The following LAMC1 variants were observed in gnomAD, a reference collection of about 807,000 sequenced individuals.
The protein encoded by LAMC1 is laminin subunit gamma 1.
In LAMC1, 38 loss-of-function variants were observed where a neutral mutation model predicts 173.6. The observed-to-expected ratio is 0.22, with a 90% CI of 0.17 to 0.29. LAMC1 has a LOEUF of 0.29. Ranked by LOEUF, LAMC1 falls within the 10% of genes least tolerant of loss-of-function variation. The pLI is 1.00. For synonymous variants in LAMC1, 746 were observed against 749.1 expected, an observed-to-expected ratio of 1.00 and a Z score of 0.07; for missense variants, 1,824 against 2,051.8, an observed-to-expected ratio of 0.89 and a Z score of 2.14.
At chr1:183,140,358 A>G (rs762814073) in intron 26 of LAMC1, 46 bp from the exon 27 acceptor site, 1 of 1,153,400 alleles carries the variant, frequency 8.7e-7, no homozygotes, top group Non-Finnish European at 1.2e-6. Flanking sequence ...TTTAAAGAAG[A>G]TGAAAACATA....
intron 1 of LAMC1, among the ~76,000 whole-genome samples, chr1:183,045,199 A>C (rs1654236772): frequency 6.6e-6 from 1 of 151,774 alleles, no homozygotes; most frequent in African/African-American, 2.4e-5. Context: ...TGTACTTGCA[A>C]GTCAATACAA....
intron 24 of LAMC1, among the ~76,000 whole-genome samples, chr1:183,135,457 TTTG>T (rs1278569407): frequency 3.3e-5 from 5 of 152,188 alleles, no homozygotes; most frequent in African/African-American, 7.2e-5. Context: ...CATCTGATTC[TTTG>T]TTGTTGTTTT....
intron 18 of LAMC1, among the ~76,000 whole-genome samples, chr1:183,129,027 G>A (rs1451141796): frequency 6.7e-5 from 10 of 148,282 alleles, no homozygotes; most frequent in African/African-American, 2.2e-4. Context: ...ATTACAAGGT[G>A]TCTTAAAATA....
At position 183,103,383 on chromosome 1, in the gene LAMC1, G is replaced by C. The variant is rs913206940; in HGVS notation, c.474G>C (p.Glu158Asp). The change falls in exon 2 of 28, where the codon GAG becomes GAC. Residue 158 changes from glutamate to aspartate, a missense_variant. Transcript: ENST00000258341. ...VRLKFHTSRP[E>D]SFAIYKRTRE... ...TCAAGTTCCACACCAGCCGCCCGGAGAGCTTTGCCATTTACAAGCGCACAC... is the reference window on the plus strand; with the variant it reads ...TCAAGTTCCACACCAGCCGCCCGGACAGCTTTGCCATTTACAAGCGCACAC... The C allele has an allele frequency of 1.2e-6, 2 of 1,614,076 alleles. No homozygotes were observed. Among genetic ancestry groups the C allele is most frequent in the African/African-American group, 2.7e-5 (2 of 74,934 alleles).
intron 1 of LAMC1, among the ~76,000 whole-genome samples, chr1:183,050,431 G>A (rs780632489): frequency 6.7e-6 from 1 of 150,016 alleles, no homozygotes; most frequent in Non-Finnish European, 1.5e-5. Flanking sequence ...ACAGGCACCC[G>A]CTACCATGCC....
intron 24 of LAMC1, among the ~76,000 whole-genome samples, 179 bp from the exon 25 acceptor site, chr1:183,136,207 C>T (rs1370939603): frequency 6.6e-6 from 1 of 152,188 alleles, no homozygotes; most frequent in Non-Finnish European, 1.5e-5. Context: ...TTCTATAACA[C>T]TAACTGGGAG....
chr1:183,124,029 T>TCC (rs1270321218), intron 13 of LAMC1, among the ~76,000 whole-genome samples: 1 of 152,202 alleles, frequency 6.6e-6, no homozygotes, highest in Non-Finnish European at 1.5e-5. Flanking sequence ...CCTCTCTACC[T>TCC]GTCACTTCTT....
intron 8 of LAMC1, 106 bp downstream of exon 8, chr1:183,117,009 A>G (rs1360942305): frequency 4.3e-6 from 5 of 1,151,086 alleles, no homozygotes; most frequent in Middle Eastern, 2.1e-4. Context: ...ATGGTTGGCA[A>G]CACTTTGTAT....
chr1:183,128,118 A>C (rs1156948734), intron 17 of LAMC1, among the ~76,000 whole-genome samples: 1 of 152,142 alleles, frequency 6.6e-6, no homozygotes, highest in African/African-American at 2.4e-5. Flanking sequence ...TTATTTACTG[A>C]GATGGAGATT....
chr1:183,106,522 G>A (rs1346080082), intron 2 of LAMC1, among the ~76,000 whole-genome samples: 1 of 152,160 alleles, frequency 6.6e-6, no homozygotes, highest in African/African-American at 2.4e-5. Context: ...AATCAGAGCT[G>A]TGCCTCCCAG....
chr1:183,065,015 A>G (rs552700867), intron 1 of LAMC1, among the ~76,000 whole-genome samples: 2 of 152,234 alleles, frequency 1.3e-5, no homozygotes, highest in African/African-American at 4.8e-5. Flanking sequence ...AAAATGTGCA[A>G]ACTCCACAAA....
intron 1 of LAMC1, among the ~76,000 whole-genome samples, chr1:183,087,757 T>G (rs1250677838): frequency 5.3e-5 from 8 of 152,188 alleles, no homozygotes; most frequent in Non-Finnish European, 7.3e-5. Context: ...CCATGTTGAT[T>G]AATGAAATTT....
rs1268229929 is a variant in LAMC1 at position 183,136,665 on chromosome 1, G to C, written c.4314+80G>C. 6.5e-6 allele frequency: 8 copies of C among 1,234,940 alleles called. No homozygotes were observed. The East Asian group carries it at 2.0e-4, about 32-fold the overall frequency. The allele number at this position is 1,234,940 out of a possible 1,614,324, so 76.5% of individuals were successfully genotyped here. A position where few individuals can be genotyped will look rare whatever the true frequency, so the allele number is the denominator to read the frequency against. ...TCCAGTTTCTTTCCAGACCCTCAGAGCCCTTGCAGATTTTTTTCCTGAACT... is the reference window on the plus strand; with the variant it reads ...TCCAGTTTCTTTCCAGACCCTCAGACCCCTTGCAGATTTTTTTCCTGAACT... On this transcript the variant is annotated intron_variant, in intron 25 of 27. Coordinates refer to ENST00000258341, the MANE Select transcript of LAMC1 (RefSeq NM_002293.4).
chr1:183,137,953 A>G (rs780617666), intron 26 of LAMC1, 126 bp downstream of exon 26: 20 of 905,896 alleles, frequency 2.2e-5, no homozygotes, highest in Non-Finnish European at 3.0e-5. Flanking sequence ...TGTCTCGTCA[A>G]GAATTGGGTT....
At position 183,127,533 on chromosome 1, in the gene LAMC1, C is replaced by T. The variant is rs1413389; in HGVS notation, c.3123+129C>T. 411,689 of 724,950 alleles carry T rather than the reference C, an allele frequency of 0.57. 119,222 individuals carry two copies. Among genetic ancestry groups the T allele is most frequent in the South Asian group, 0.66 (30,769 of 46,556 alleles). 44.9% of individuals were successfully genotyped at this position (724,950 alleles called of 1,614,324 possible). A position where few individuals can be genotyped will look rare whatever the true frequency, so the allele number is the denominator to read the frequency against. On this transcript the variant is annotated intron_variant, in intron 17 of 27. Transcript: ENST00000258341. The stretch of plus-strand genomic sequence containing the variant: ...GTCCCTGTTCTTAAAGACTTATGTT[C>T]CAGTTGGGAGGCAAATAATAAAAAA...
Position 183,023,918 on chromosome 1 carries a change from A to G in LAMC1, c.202A>G (p.Thr68Ala). The G allele has an allele frequency of 6.2e-7, 1 of 1,613,152 alleles. No homozygotes were observed. Among genetic ancestry groups the G allele is most frequent in the Non-Finnish European group, 8.5e-7 (1 of 1,179,908 alleles). The change falls in exon 1 of 28, where the codon ACG (threonine) becomes GCG (alanine). Residue 68 changes from threonine to alanine, a missense_variant. Coordinates refer to ENST00000258341, the MANE Select transcript of LAMC1 (RefSeq NM_002293.4). ...AFNVTVVATNTCGTPPEEYCV... is the reference protein window; with the variant it reads ...AFNVTVVATNACGTPPEEYCV... ...CAACGTGACTGTGGTGGCCACCAAC[A>G]CGTGTGGGACTCCGCCCGAGGAATA...
At chr1:183,134,905 C>A in intron 23 of LAMC1, 96 bp downstream of exon 23, 1 of 1,393,590 alleles carries the variant, frequency 7.2e-7, no homozygotes, top group Non-Finnish European at 1.0e-6. Flanking sequence ...GACAGCAGAC[C>A]CCAGTGCTGA....
intron 1 of LAMC1, among the ~76,000 whole-genome samples, chr1:183,031,386 C>T (rs1040224275): frequency 3.3e-5 from 5 of 152,112 alleles, no homozygotes; most frequent in Non-Finnish European, 7.4e-5. Context: ...CTCACTGCAA[C>T]CTCTGCCTCC....
chr1:183,125,474 C>T lies in LAMC1; in HGVS notation c.2725C>T (p.Pro909Ser), dbSNP rs777006368. The change falls in exon 15 of 28, where the codon CCT becomes TCT. Residue 909 changes from proline (P) to serine (S), a missense_variant. Physicochemically the swap from Pro to Ser is moderately conservative, Grantham distance 74. Transcript: ENST00000258341. ...NPVTGQCECL[P>S]HVTGQDCGAC... ...CGTGACGGGGCAGTGTGAATGTTTG[C>T]CTCACGTGACTGGCCAGGACTGTGG... 1 of 1,613,708 alleles carries T rather than the reference C, an allele frequency of 6.2e-7. No individual in the cohort carries two copies. The highest frequency in any genetic ancestry group is 1.3e-5 in the African/African-American group (1 of 75,038).
Sources: allele counts gnomAD v4.1 joint callset (sites outside exome capture counted in the v4.1 genomes callset), GRCh38; gene constraint gnomAD v4.1.1; transcripts MANE v1.5; gene names NCBI Gene and HGNC (gene_info 2026-07-23, HGNC 2026-07-21).